Variants in KDM4A observed in about 807,000 individuals in gnomAD.
KDM4A encodes lysine-specific demethylase 4A.
In KDM4A, 23 loss-of-function variants were observed where a neutral mutation model predicts 127.1. That is an observed-to-expected ratio of 0.18 (90% CI 0.13 to 0.26). The LOEUF (loss-of-function observed/expected upper bound fraction) is 0.26, where lower values mean the gene tolerates loss of function less well. Ranked by LOEUF, KDM4A falls within the 10% of genes least tolerant of loss-of-function variation. KDM4A has a pLI of 1.00. For synonymous variants in KDM4A, 443 were observed against 466.5 expected, an observed-to-expected ratio of 0.95 and a Z score of 0.65; for missense variants, 890 against 1,329.1, an observed-to-expected ratio of 0.67 and a Z score of 5.14.
At chr1:43,678,695 C>A (rs1344377007) in intron 11 of KDM4A, among the ~76,000 whole-genome samples, 1 of 150,656 alleles carries the variant, frequency 6.6e-6, no homozygotes, top group African/African-American at 2.4e-5. Flanking sequence ...TTAACTGATT[C>A]TCCCACCTCA....
intron 11 of KDM4A, among the ~76,000 whole-genome samples, chr1:43,678,909 T>C (rs932246554): frequency 7.2e-5 from 11 of 152,188 alleles, no homozygotes; most frequent in African/African-American, 2.2e-4. Flanking sequence ...TGTGGTAATA[T>C]ATACACGGTA....
chr1:43,673,915 G>A (rs1660683567), intron 11 of KDM4A, among the ~76,000 whole-genome samples: 1 of 152,208 alleles, frequency 6.6e-6, no homozygotes, highest in Non-Finnish European at 1.5e-5. Context: ...CAGCTAAGAA[G>A]TAGCAAGAGC....
chr1:43,673,741 A>C (rs1463630092), intron 11 of KDM4A, among the ~76,000 whole-genome samples: 1 of 152,000 alleles, frequency 6.6e-6, no homozygotes, highest in African/African-American at 2.4e-5. Context: ...TGGAAACCAG[A>C]GTCTCTTTAA....
chr1:43,653,439 G>A (rs753550682), intron 2 of KDM4A, 126 bp downstream of exon 2: 79 of 826,224 alleles, frequency 9.6e-5, no homozygotes, highest in Non-Finnish European at 1.4e-4. Context: ...TAGTGAATGC[G>A]GTTCTATTTG....
At chr1:43,656,344 T>G (rs1182754810) in intron 3 of KDM4A, among the ~76,000 whole-genome samples, 7 of 141,628 alleles carry the variant, frequency 4.9e-5, no homozygotes, top group Admixed American at 4.9e-4. Flanking sequence ...TTTTTTTTTT[T>G]TTTTTTTTTT....
chr1:43,698,008 A>G lies in KDM4A; in HGVS notation c.2836A>G (p.Ile946Val). 6.2e-7 allele frequency: 1 copy of G among 1,612,564 alleles called. No individual in the cohort carries two copies. Among genetic ancestry groups the G allele is most frequent in the Non-Finnish European group, 8.5e-7 (1 of 1,179,508 alleles). Residue 946 changes from isoleucine to valine, a missense_variant, in exon 19 of 22, where the codon ATA becomes GTA. By Grantham distance (29) the Ile-to-Val change is conservative. This residue lies in a region of KDM4A where 246 missense variants were observed against 418.4 expected (regional missense o/e 0.59). Coordinates refer to ENST00000372396, the MANE Select transcript of KDM4A (RefSeq NM_014663.3). Reference sequence around the variant, plus strand: ...CAGCGACAATCTTTATCCTGAGGACATAGTGGTAATATCTGCAAGGAGCTT... The same window carrying G: ...CAGCGACAATCTTTATCCTGAGGACGTAGTGGTAATATCTGCAAGGAGCTT... ...SFSDNLYPED[I>V]VSQDCLQFGP... is the part of the protein sequence containing the mutation.
chr1:43,650,484 C>T (rs764964433), intron 1 of KDM4A: 6 of 152,300 alleles, frequency 3.9e-5, no homozygotes, highest in Admixed American at 6.5e-5. Context: ...GCCTTATTTT[C>T]TTCTTCCTGC....
At chr1:43,675,593 T>C (rs989153393) in intron 11 of KDM4A, among the ~76,000 whole-genome samples, 3 of 152,140 alleles carry the variant, frequency 2.0e-5, no homozygotes, top group African/African-American at 7.2e-5. Flanking sequence ...CTCAGGCATA[T>C]AGGACTGGAG....
chr1:43,653,911 G>A (rs1184190070), intron 2 of KDM4A: 1 of 152,232 alleles, frequency 6.6e-6, no homozygotes, highest in Non-Finnish European at 1.5e-5. Flanking sequence ...AGATCCTCAG[G>A]AAACTGAGAG....
chr1:43,663,156 G>A (rs988854052), intron 5 of KDM4A, 69 bp downstream of exon 5: 2 of 1,395,362 alleles, frequency 1.4e-6, no homozygotes, highest in Non-Finnish European at 2.0e-6. Flanking sequence ...TTGTGCGTGG[G>A]AAGCACCTCA....
Position 43,693,462 on chromosome 1 carries a change from AG to A in KDM4A, c.2376-531del, listed in dbSNP as rs1661170021. Among the ~76,000 whole-genome samples, 1 of 152,212 alleles carries A rather than the reference AG, an allele frequency of 6.6e-6. No individual in the cohort carries two copies. The highest frequency in any genetic ancestry group is 1.5e-5 in the Non-Finnish European group (1 of 68,034). ...GATGTCCGTTGAATAGACCTCTCAG[AG>A]TAAGTGGGGCTTGGGTCAGACCTTA... On this transcript the variant is annotated intron_variant, in intron 16 of 21. Coordinates refer to ENST00000372396, the MANE Select transcript of KDM4A (RefSeq NM_014663.3). The surrounding 1 kb of genome is among the most constrained non-coding windows in gnomAD (Gnocchi z 4.2).
chr1:43,681,068 C>T (rs904411938), intron 11 of KDM4A, among the ~76,000 whole-genome samples: 13 of 152,132 alleles, frequency 8.5e-5, no homozygotes, highest in African/African-American at 2.9e-4. Context: ...TCATTTTTCC[C>T]TTGATCTTCT....
chr1:43,693,757 A>G lies in KDM4A; in HGVS notation c.2376-237A>G, dbSNP rs183980102. On this transcript the variant is annotated intron_variant, in intron 16 of 21. Coordinates refer to ENST00000372396, the MANE Select transcript of KDM4A (RefSeq NM_014663.3). This position sits in a 1 kb window ranked among gnomAD's most constrained non-coding sequence, Gnocchi z 4.2. ...TCAACAGAGTGGTGTAAGAAGCATGATCCGGTGCTAACCTAGGGCAGTGGG... is the reference window on the plus strand; with the variant it reads ...TCAACAGAGTGGTGTAAGAAGCATGGTCCGGTGCTAACCTAGGGCAGTGGG... Among the ~76,000 whole-genome samples the G allele has an allele frequency of 3.9e-5, 6 of 152,352 alleles. No individual in the cohort carries two copies. In the East Asian group the frequency reaches 1.2e-3, roughly 29 times the overall value.
chr1:43,679,427 T>A (rs1019019230), intron 11 of KDM4A, among the ~76,000 whole-genome samples: 2 of 152,184 alleles, frequency 1.3e-5, no homozygotes, highest in African/African-American at 2.4e-5. Flanking sequence ...GGGCAGAAGC[T>A]GAGCAACTTT....
rs1660420060 is a variant in KDM4A, at chr1:43,663,034, A to G, written c.570A>G (p.Glu190=). 3.7e-6 allele frequency: 6 copies of G among 1,614,190 alleles called. No individual in the cohort carries two copies. The East Asian group carries it at 1.3e-4, about 36-fold the overall frequency. ...MWKTSFAWHT[E]DMDLYSINYL... The stretch of plus-strand genomic sequence containing the variant: ...AGACATCCTTTGCTTGGCACACTGA[A>G]GACATGGACCTCTACAGCATCAACT... The change falls in exon 5 of 22, where the codon GAA becomes GAG. Residue 190 remains glutamate, a synonymous_variant. Coordinates refer to ENST00000372396, the MANE Select transcript of KDM4A (RefSeq NM_014663.3).
At chr1:43,654,401 T>A (rs965880485) in intron 2 of KDM4A, among the ~76,000 whole-genome samples, 4 of 152,376 alleles carry the variant, frequency 2.6e-5, no homozygotes, top group East Asian at 3.9e-4. Flanking sequence ...GTTTTGTTTT[T>A]AAAAGAGAAT....
At position 43,656,329 on chromosome 1, in the gene KDM4A, G is replaced by GTTTTTTTTT. The variant is rs11438925; in HGVS notation, c.314+581_314+589dup. 1.1e-4 allele frequency among the ~76,000 whole-genome samples: 6 copies of GTTTTTTTTT among 54,178 alleles called. 1 individual carries two copies. The highest frequency in any genetic ancestry group is 1.6e-4 in the African/African-American group (2 of 12,298). The allele number at this position is 54,178 out of a possible 152,430, so 35.5% of individuals were successfully genotyped here. A position where few individuals can be genotyped will look rare whatever the true frequency, so the allele number is the denominator to read the frequency against. On this transcript the variant is annotated intron_variant, in intron 3 of 21. Coordinates refer to ENST00000372396, the MANE Select transcript of KDM4A (RefSeq NM_014663.3). ...TGTTTTCAGTTCTTCTCTGCTGTTG[G>GTTTTTTTTT]TTTTTTTTTTTTTTTTTTTTTTTTT...
At chr1:43,699,099 T>A (rs944514160) in intron 19 of KDM4A, among the ~76,000 whole-genome samples, 3 of 150,808 alleles carry the variant, frequency 2.0e-5, no homozygotes, top group African/African-American at 4.9e-5. Context: ...TTATTTTTTT[T>A]TTTTTTTTTT....
chr1:43,657,050 G>T (rs936744794), intron 3 of KDM4A, among the ~76,000 whole-genome samples: 1 of 151,992 alleles, frequency 6.6e-6, no homozygotes, highest in African/African-American at 2.4e-5. Context: ...GGTATAGATA[G>T]GCATGTGCTA....
Sources: gnomAD v4.1 joint callset for allele counts (sites outside exome capture counted in the v4.1 genomes callset) on GRCh38, gnomAD v4.1.1 for gene constraint, gnomAD v4.1.1 regional missense constraint, Gnocchi (gnomAD v3.1) non-coding constraint, MANE v1.5 for transcripts, NCBI Gene and HGNC (gene_info 2026-07-23, HGNC 2026-07-21) for gene names.